Variants in PDE4D observed in about 807,000 individuals in gnomAD.
PDE4D encodes the protein 3',5'-cyclic-AMP phosphodiesterase 4D.
Under a neutral mutation model 87.4 loss-of-function variants are expected in PDE4D, and 24 were observed. The observed-to-expected ratio is 0.27, with a 90% confidence interval of 0.20 to 0.39. PDE4D has a LOEUF of 0.39. Among genes scored for constraint, PDE4D ranks in the 10% least tolerant of loss-of-function variants. The pLI is 1.00. For missense variants in PDE4D, 714 were observed against 1,041.0 expected, an observed-to-expected ratio of 0.69 and a Z score of 4.32; for synonymous variants, 384 against 383.2, an observed-to-expected ratio of 1.00 and a Z score of -0.02.
At chr5:59,121,224 G>T (rs1774446249) in intron 5 of PDE4D, among the ~76,000 whole-genome samples, 1 of 152,126 alleles carries the variant, frequency 6.6e-6, no homozygotes, top group Admixed American at 6.5e-5. Flanking sequence ...AAAAATTTCT[G>T]TATAGCACAG....
At chr5:59,630,893 G>T (rs761875734) in intron 1 of PDE4D, among the ~76,000 whole-genome samples, 4 of 152,138 alleles carry the variant, frequency 2.6e-5, no homozygotes, top group Non-Finnish European at 5.9e-5. Flanking sequence ...ACCCTTGGCT[G>T]AGTCACTTAA....
At chr5:60,060,504 C>T (rs886732209) in intron 2 of PDE4D, among the ~76,000 whole-genome samples, 3 of 152,020 alleles carry the variant, frequency 2.0e-5, no homozygotes, top group African/African-American at 7.2e-5. Context: ...ATAAATTCTA[C>T]CCTTTGTTCA....
chr5:60,232,939 TAGC>T (rs1286995365), intron 1 of PDE4D, among the ~76,000 whole-genome samples: 2 of 151,744 alleles, frequency 1.3e-5, no homozygotes, highest in Non-Finnish European at 2.9e-5. Context: ...CATGCAAACA[TAGC>T]AGCAGCCATA....
At chr5:59,804,122 C>T (rs1767469946) in intron 1 of PDE4D, among the ~76,000 whole-genome samples, 1 of 152,058 alleles carries the variant, frequency 6.6e-6, no homozygotes, top group Non-Finnish European at 1.5e-5. Flanking sequence ...TTGGTGCATC[C>T]ATCACCGGAG....
chr5:59,036,876 T>TA (rs2153390972), intron 6 of PDE4D, among the ~76,000 whole-genome samples: 1 of 152,324 alleles, frequency 6.6e-6, no homozygotes, highest in East Asian at 1.9e-4. Context: ...TAAACATTGC[T>TA]AGAATGACTA....
chr5:60,121,348 C>A (rs1041267522), intron 2 of PDE4D, among the ~76,000 whole-genome samples: 2 of 152,020 alleles, frequency 1.3e-5, no homozygotes, highest in South Asian at 2.1e-4. Flanking sequence ...GGAATTATTT[C>A]TAACTCATAG....
At chr5:59,431,417 T>C (rs1432147189) in intron 1 of PDE4D, among the ~76,000 whole-genome samples, 2 of 152,040 alleles carry the variant, frequency 1.3e-5, no homozygotes, top group African/African-American at 2.4e-5. Context: ...TGTGAGATAA[T>C]TTTTATTTTG....
chr5:59,546,566 G>A (rs1315792592), intron 1 of PDE4D, among the ~76,000 whole-genome samples: 1 of 152,004 alleles, frequency 6.6e-6, no homozygotes, highest in African/African-American at 2.4e-5. Flanking sequence ...AGGATGAATG[G>A]ATATAAATCA....
intron 1 of PDE4D, among the ~76,000 whole-genome samples, chr5:60,303,197 T>C (rs968314635): frequency 6.6e-6 from 1 of 152,126 alleles, no homozygotes; most frequent in African/African-American, 2.4e-5. Context: ...TTTTTTCTCA[T>C]TAGTTTCAAA....
At chr5:59,499,185 A>G (rs756296428) in intron 1 of PDE4D, among the ~76,000 whole-genome samples, 1 of 152,120 alleles carries the variant, frequency 6.6e-6, no homozygotes, top group East Asian at 1.9e-4. Flanking sequence ...TAAACAAAAA[A>G]TTAAGGCAGA....
intron 6 of PDE4D, among the ~76,000 whole-genome samples, chr5:59,006,927 G>A (rs943776833): frequency 1.8e-4 from 28 of 152,124 alleles, no homozygotes; most frequent in Non-Finnish European, 3.1e-4. Flanking sequence ...CTTGCTCAAG[G>A]TCACAAAGCC....
chr5:59,007,009 A>T (rs1402278102), intron 6 of PDE4D, among the ~76,000 whole-genome samples: 2 of 152,234 alleles, frequency 1.3e-5, no homozygotes. Context: ...TGCCAAAAAA[A>T]GAAAACTATT....
At chr5:59,973,103 A>T (rs1299762207) in intron 3 of PDE4D, among the ~76,000 whole-genome samples, 1 of 152,164 alleles carries the variant, frequency 6.6e-6, no homozygotes, top group African/African-American at 2.4e-5. Flanking sequence ...GAATTTTTAA[A>T]ATCTACATAT....
chr5:58,983,294 G>A (rs1745658592), intron 11 of PDE4D, among the ~76,000 whole-genome samples: 3 of 152,256 alleles, frequency 2.0e-5, no homozygotes, highest in South Asian at 2.1e-4. Flanking sequence ...TAGGCTGGGA[G>A]AAAGAAGGCA....
At chr5:59,519,442 A>G (rs933135832) in intron 1 of PDE4D, among the ~76,000 whole-genome samples, 16 of 152,212 alleles carry the variant, frequency 1.1e-4, no homozygotes, top group Non-Finnish European at 2.4e-4. Context: ...CCATCCAGAT[A>G]CTTAGAGGAA....
intron 1 of PDE4D, among the ~76,000 whole-genome samples, chr5:59,580,518 G>A (rs1823919610): frequency 1.3e-5 from 2 of 152,040 alleles, no homozygotes; most frequent in Admixed American, 1.3e-4. Context: ...CCAGGCTGGA[G>A]TGCAGTGGCA....
intron 1 of PDE4D, among the ~76,000 whole-genome samples, chr5:59,777,494 G>A (rs1286130078): frequency 6.6e-6 from 1 of 152,184 alleles, no homozygotes; most frequent in African/African-American, 2.4e-5. Flanking sequence ...AACATTGATG[G>A]ACCTACAAAT....
Position 60,015,342 on chromosome 5 carries a change from A to G in PDE4D, c.43-26625T>C, listed in dbSNP as rs1004364203. ...TCCCTGCCCACATATGCTATTCCTC[A>G]CACCATGAAGTAGGTTGTAGTTTTC... On this transcript the variant is annotated intron_variant, in intron 2 of 16. Transcript: ENST00000502484. Among the ~76,000 whole-genome samples, 3 of 152,140 alleles carry G rather than the reference A, an allele frequency of 2.0e-5. No individual in the cohort carries two copies. In the East Asian group the frequency reaches 5.8e-4, roughly 29 times the overall value.
intron 1 of PDE4D, among the ~76,000 whole-genome samples, chr5:59,649,898 T>C (rs1388758779): frequency 8.0e-5 from 11 of 137,166 alleles, no homozygotes; most frequent in Non-Finnish European, 9.4e-5. Context: ...GTTGATAGTT[T>C]GTGAACCTTT....
Sources: gnomAD v4.1 joint callset for allele counts (sites outside exome capture counted in the v4.1 genomes callset) on GRCh38, gnomAD v4.1.1 for gene constraint, MANE v1.5 for transcripts, NCBI Gene and HGNC (gene_info 2026-07-23, HGNC 2026-07-21) for gene names.